RBFOX1: variants seen among roughly 807,000 people sequenced by gnomAD.
The protein encoded by RBFOX1 is RNA binding fox-1 homolog 1, also known as RNA binding protein fox-1 homolog 1.
RBFOX1 carries 8 observed loss-of-function variants against 57.7 expected under a neutral mutation model. The ratio of observed to expected loss-of-function variants is 0.14; its 90% CI spans 0.08 to 0.25. RBFOX1 has a LOEUF of 0.25. Among genes scored for constraint, RBFOX1 ranks in the 10% least tolerant of loss-of-function variants. The probability of loss-of-function intolerance (pLI) is 1.00; values close to 1 mark genes in which losing one functional copy is unlikely to be tolerated. For missense variants in RBFOX1, 611 were observed against 548.5 expected (o/e 1.11, Z -1.14); for synonymous variants, 326 against 222.4 (o/e 1.47, Z -4.15).
chr16:5,718,753 CA>C (rs2051813722), intron 3 of RBFOX1, among the ~76,000 whole-genome samples: 1 of 152,062 alleles, frequency 6.6e-6, no homozygotes, highest in South Asian at 2.1e-4. Flanking sequence ...ATAAAAGCTA[CA>C]AAAATTAGCC....
At chr16:6,020,291 C>T (rs1401029370) in intron 1 of RBFOX1, among the ~76,000 whole-genome samples, 1 of 152,102 alleles carries the variant, frequency 6.6e-6, no homozygotes, top group African/African-American at 2.4e-5. Flanking sequence ...CTCCTGGGAG[C>T]GAGTCCTAGG....
At chr16:6,889,006 A>G (rs1299965624) in intron 3 of RBFOX1, among the ~76,000 whole-genome samples, 1 of 152,172 alleles carries the variant, frequency 6.6e-6, no homozygotes, top group Non-Finnish European at 1.5e-5. Flanking sequence ...TTCCACTTAG[A>G]TTGCAAATAA....
At chr16:6,005,701 A>G (rs1211393326) in intron 4 of RBFOX1, among the ~76,000 whole-genome samples, 1 of 152,206 alleles carries the variant, frequency 6.6e-6, no homozygotes, top group Non-Finnish European at 1.5e-5. Context: ...CCTGGGGGAA[A>G]AACATTGCCC....
At chr16:6,370,954 C>T (rs562332639) in intron 2 of RBFOX1, among the ~76,000 whole-genome samples, 21 of 152,286 alleles carry the variant, frequency 1.4e-4, no homozygotes, top group African/African-American at 4.8e-4. Context: ...GGATGACCCT[C>T]AATTTGGGTC....
At chr16:7,000,596 C>CTTTTTTTTTTTTTTTTTTTTTTTTTTTTT (rs759103545) in intron 3 of RBFOX1, among the ~76,000 whole-genome samples, 4 of 92,570 alleles carry the variant, frequency 4.3e-5, no homozygotes, top group Non-Finnish European at 5.9e-5. Context: ...CTTTTTCTTT[C>CTTTTTTTTTTTTTTTTTTTTTTTTTTTTT]TTTTTTTTTT....
At chr16:7,653,701 G>A (rs2144788146) in intron 11 of RBFOX1, 114 bp from the exon 12 acceptor site, 1 of 1,446,128 alleles carries the variant, frequency 6.9e-7, no homozygotes, top group East Asian at 2.4e-5. Context: ...GAAGCGGGCG[G>A]GGGTCCTGCT....
At chr16:7,462,874 G>C (rs2059831224) in intron 4 of RBFOX1, among the ~76,000 whole-genome samples, 1 of 152,180 alleles carries the variant, frequency 6.6e-6, no homozygotes, top group Non-Finnish European at 1.5e-5. Flanking sequence ...TCTGACTCTA[G>C]TTGGAGAAAG....
chr16:5,437,896 G>C (rs1452234035), intron 1 of RBFOX1, among the ~76,000 whole-genome samples: 1 of 152,162 alleles, frequency 6.6e-6, no homozygotes, highest in Non-Finnish European at 1.5e-5. Context: ...TATCGTTGTT[G>C]ATTGGCTGTT....
At chr16:5,827,612 G>T (rs1178624114) in intron 3 of RBFOX1, among the ~76,000 whole-genome samples, 2 of 152,106 alleles carry the variant, frequency 1.3e-5, no homozygotes. Context: ...CAACTCTACT[G>T]CAGTGTGAAG....
chr16:6,832,780 G>T (rs2092801057), intron 3 of RBFOX1, among the ~76,000 whole-genome samples: 1 of 152,278 alleles, frequency 6.6e-6, no homozygotes, highest in South Asian at 2.1e-4. Context: ...TGCCAGGCTT[G>T]TGCTCCTAGG....
chr16:7,273,757 G>C (rs575016854), intron 4 of RBFOX1, among the ~76,000 whole-genome samples: 5 of 152,332 alleles, frequency 3.3e-5, no homozygotes, highest in African/African-American at 1.2e-4. Context: ...ATACAGTGGA[G>C]AAGATATTTG....
At chr16:7,154,242 G>A (rs141716147) in intron 4 of RBFOX1, among the ~76,000 whole-genome samples, 64 of 152,318 alleles carry the variant, frequency 4.2e-4, no homozygotes, top group African/African-American at 1.3e-3. Context: ...TCTTCATTCA[G>A]TCGGAGGAAG....
At chr16:5,516,534 A>C (rs2043798636) in intron 2 of RBFOX1, among the ~76,000 whole-genome samples, 3 of 152,244 alleles carry the variant, frequency 2.0e-5, no homozygotes, top group Admixed American at 6.5e-5. Flanking sequence ...ATTAACTATG[A>C]TTATGTACAT....
intron 1 of RBFOX1, among the ~76,000 whole-genome samples, chr16:5,358,948 C>G (rs950870611): frequency 2.6e-5 from 4 of 152,238 alleles, no homozygotes; most frequent in African/African-American, 9.6e-5. Context: ...CTCCCCACCT[C>G]TCCCTCCACC....
chr16:5,302,272 T>A (rs1395738197), intron 1 of RBFOX1, among the ~76,000 whole-genome samples: 1 of 152,238 alleles, frequency 6.6e-6, no homozygotes, highest in Non-Finnish European at 1.5e-5. Context: ...GACTTTTAAT[T>A]AAATACTGTT....
intron 4 of RBFOX1, among the ~76,000 whole-genome samples, chr16:7,512,585 C>G (rs1031996578): frequency 1.3e-5 from 2 of 152,174 alleles, no homozygotes; most frequent in African/African-American, 4.8e-5. Flanking sequence ...TCTGGAGTCC[C>G]ATGTTCCTGG....
intron 3 of RBFOX1, among the ~76,000 whole-genome samples, chr16:6,926,703 C>G (rs374278870): frequency 1.3e-5 from 2 of 152,134 alleles, no homozygotes; most frequent in African/African-American, 4.8e-5. Context: ...CTTAGCTCTT[C>G]TTCCCGTTAA....
intron 3 of RBFOX1, among the ~76,000 whole-genome samples, chr16:5,784,673 C>G (rs1396817283): frequency 6.6e-6 from 1 of 152,186 alleles, no homozygotes; most frequent in South Asian, 2.1e-4. Flanking sequence ...GGTGACGACA[C>G]AGATCGAAAT....
chr16:5,948,352 C>A lies in RBFOX1; in HGVS notation c.351+81017C>A, dbSNP rs142591508. 5.2e-3 allele frequency among the ~76,000 whole-genome samples: 796 copies of A among 152,308 alleles called. 6 individuals carry two copies. Among genetic ancestry groups the A allele is most frequent in the African/African-American group, 0.018 (768 of 41,566 alleles). On this transcript the variant is annotated intron_variant, in intron 4 of 19. Transcript: ENST00000641259. ...GGCCTTTGGCTCCTGGCCATCTTCT[C>A]CTCCGTGGCTGTGGTCCAGCAGTGG... is the stretch of plus-strand genomic sequence containing the variant.
Sources: allele counts gnomAD v4.1 joint callset (sites outside exome capture counted in the v4.1 genomes callset), GRCh38; gene constraint gnomAD v4.1.1; transcripts MANE v1.5; gene names NCBI Gene and HGNC (gene_info 2026-07-23, HGNC 2026-07-21).